The following ST6GAL1 variants were observed in gnomAD, a reference collection of about 807,000 sequenced individuals.
ST6GAL1 encodes ST6 beta-galactoside alpha-2,6-sialyltransferase 1.
A neutral mutation model predicts 38.0 loss-of-function variants in ST6GAL1; 20 were observed. The observed-to-expected ratio is 0.53, with a 90% CI of 0.37 to 0.77. The LOEUF is 0.77. Ranked by LOEUF, ST6GAL1 falls within the 30% of genes least tolerant of loss-of-function variation. ST6GAL1 has a pLI of 0.00. For missense variants in ST6GAL1, 432 were observed against 496.4 expected (o/e 0.87, Z 1.23); for synonymous variants, 196 against 188.2 (o/e 1.04, Z -0.34).
At chr3:187,062,516 G>A (rs913681508) in intron 5 of ST6GAL1, among the ~76,000 whole-genome samples, 10 of 151,098 alleles carry the variant, frequency 6.6e-5, no homozygotes, top group South Asian at 2.1e-4. Flanking sequence ...AGAAAATACC[G>A]AGATTGGCTA....
intron 2 of ST6GAL1, among the ~76,000 whole-genome samples, chr3:187,029,088 TA>T (rs56166685): frequency 1.0e-4 from 11 of 105,944 alleles, no homozygotes; most frequent in African/African-American, 1.4e-4. Flanking sequence ...ACCTTGTCTC[TA>T]AAAAAAAAAA....
At chr3:187,038,532 A>G (rs1718018349) in intron 2 of ST6GAL1, 1 of 152,246 alleles carries the variant, frequency 6.6e-6, no homozygotes, top group African/African-American at 2.4e-5. Flanking sequence ...GTCTATTTCT[A>G]GGCTATCTGT....
intron 4 of ST6GAL1, among the ~76,000 whole-genome samples, chr3:187,050,538 G>GAGAGAGAGAGAGAT (rs1718473097): frequency 1.1e-5 from 1 of 91,792 alleles, no homozygotes; most frequent in Admixed American, 1.1e-4. Context: ...CAAAGAAAGA[G>GAGAGAGAGAGAGAT]AGAGAGAGAG....
At chr3:187,041,254 G>A (rs191108333) in intron 3 of ST6GAL1, among the ~76,000 whole-genome samples, 38 of 152,252 alleles carry the variant, frequency 2.5e-4, no homozygotes, top group African/African-American at 9.1e-4. Context: ...CCAAGAATGG[G>A]GATAAGAACC....
Position 186,941,870 on chromosome 3 carries a change from G to A in ST6GAL1, c.-325+11036G>A, listed in dbSNP as rs556775583. On this transcript the variant is annotated intron_variant, in intron 1 of 7. Transcript: ENST00000169298. ...TACTAAAAATACAAAAAATTAGCCC[G>A]GCGTGGTTGTGGGTGGCTGTAGTCC... Among the ~76,000 whole-genome samples, 32 of 152,234 alleles carry A rather than the reference G, an allele frequency of 2.1e-4. No individual in the cohort carries two copies. In the Middle Eastern group the frequency reaches 0.01, roughly 49 times the overall value.
chr3:186,934,904 C>T (rs1713890724), intron 1 of ST6GAL1, among the ~76,000 whole-genome samples: 1 of 151,910 alleles, frequency 6.6e-6, no homozygotes, highest in Admixed American at 6.6e-5. Flanking sequence ...GTAGCTGGGA[C>T]TACAGGTGCC....
chr3:187,035,641 T>C (rs895763284), intron 2 of ST6GAL1, among the ~76,000 whole-genome samples: 1 of 151,878 alleles, frequency 6.6e-6, no homozygotes, highest in Non-Finnish European at 1.5e-5. Context: ...TCAACAAAAA[T>C]AAGCAACGGG....
intron 2 of ST6GAL1, among the ~76,000 whole-genome samples, chr3:186,999,013 C>T (rs955635910): frequency 6.6e-6 from 1 of 152,252 alleles, no homozygotes; most frequent in Non-Finnish European, 1.5e-5. Context: ...CCTCTCCCTC[C>T]TCTTCCCACT....
chr3:186,951,631 C>G (rs917033338), intron 1 of ST6GAL1, among the ~76,000 whole-genome samples: 4 of 152,074 alleles, frequency 2.6e-5, no homozygotes, highest in Non-Finnish European at 5.9e-5. Flanking sequence ...ATGACTGTTT[C>G]GCACCTTTTT....
chr3:187,022,771 T>A (rs534201764), intron 2 of ST6GAL1, among the ~76,000 whole-genome samples: 1 of 152,306 alleles, frequency 6.6e-6, no homozygotes, highest in Non-Finnish European at 1.5e-5. Context: ...GCAAAATATT[T>A]TAATTTCCTT....
intron 2 of ST6GAL1, among the ~76,000 whole-genome samples, chr3:186,994,814 G>T (rs989188086): frequency 6.6e-6 from 1 of 151,626 alleles, no homozygotes; most frequent in Non-Finnish European, 1.5e-5. Flanking sequence ...CATGGTGGGC[G>T]CCTGTAATCT....
At chr3:186,958,964 AAAAT>A (rs1342360032) in intron 1 of ST6GAL1, among the ~76,000 whole-genome samples, 10 of 51,488 alleles carry the variant, frequency 1.9e-4, no homozygotes, top group East Asian at 1.3e-3. Context: ...AAAAAAAAAA[AAAAT>A]TAAATAAATA....
chr3:187,018,598 C>T (rs1468033246), intron 2 of ST6GAL1, among the ~76,000 whole-genome samples: 1 of 152,146 alleles, frequency 6.6e-6, no homozygotes, highest in Non-Finnish European at 1.5e-5. Context: ...TATTCACATT[C>T]TTCTGCCTGC....
At chr3:187,022,846 C>T (rs1717378959) in intron 2 of ST6GAL1, among the ~76,000 whole-genome samples, 1 of 152,184 alleles carries the variant, frequency 6.6e-6, no homozygotes, top group South Asian at 2.1e-4. Context: ...CCACATTTTA[C>T]TGGGTTAATT....
At position 186,984,725 on chromosome 3, in the gene ST6GAL1, C is replaced by CCCTTCCTTCCTTCCTTCCTTCCTTCCTT. The variant is rs1246224765; in HGVS notation, c.-183+20817_-183+20818insTTCCTTCCTTCCTTCCTTCCTTCCTTCC. Reference sequence around the variant, plus strand: ...CTCCCCTTTCTTTCCTTCCCTTCCTCCCTTCCTTCCTTCCTTCCCTCCCTC... The same window carrying CCCTTCCTTCCTTCCTTCCTTCCTTCCTT: ...CTCCCCTTTCTTTCCTTCCCTTCCTCCCTTCCTTCCTTCCTTCCTTCCTTCCTTCCTTCCTTCCTTCCTTCCCTCCCTC... On this transcript the variant is annotated intron_variant, in intron 2 of 7. Transcript: ENST00000169298. Among the ~76,000 whole-genome samples the CCCTTCCTTCCTTCCTTCCTTCCTTCCTT allele has an allele frequency of 1.1e-4, 15 of 136,912 alleles. 2 individuals carry two copies. The highest frequency in any genetic ancestry group is 6.8e-4 in the Admixed American group (9 of 13,266). 89.8% of individuals were successfully genotyped at this position (136,912 alleles called of 152,430 possible).
intron 5 of ST6GAL1, among the ~76,000 whole-genome samples, chr3:187,054,750 TA>T (rs1718633070): frequency 6.6e-6 from 1 of 152,222 alleles, no homozygotes; most frequent in Non-Finnish European, 1.5e-5. Flanking sequence ...GATATTGGCC[TA>T]AAATTCTCTT....
chr3:186,962,366 T>G (rs1443468619), intron 1 of ST6GAL1, among the ~76,000 whole-genome samples: 1 of 152,344 alleles, frequency 6.6e-6, no homozygotes, highest in Admixed American at 6.5e-5. Flanking sequence ...CAAGCTTGAT[T>G]AGCAGAGTTC....
At chr3:187,025,781 T>TGGCTC (rs1241776319) in intron 2 of ST6GAL1, among the ~76,000 whole-genome samples, 3 of 152,146 alleles carry the variant, frequency 2.0e-5, no homozygotes, top group African/African-American at 7.2e-5. Flanking sequence ...TCCGAGTGGT[T>TGGCTC]GGCTCTGGTC....
intron 2 of ST6GAL1, among the ~76,000 whole-genome samples, chr3:186,987,190 G>C (rs567330361): frequency 4.1e-5 from 5 of 120,758 alleles, no homozygotes; most frequent in African/African-American, 1.7e-4. Context: ...CAGGGAGGGA[G>C]GGAGGGAGGG....
Sources: gnomAD v4.1 joint callset for allele counts (sites outside exome capture counted in the v4.1 genomes callset) on GRCh38, gnomAD v4.1.1 for gene constraint, MANE v1.5 for transcripts, NCBI Gene and HGNC (gene_info 2026-07-23, HGNC 2026-07-21) for gene names.